The following PKD1L3 variants were observed in gnomAD, a reference collection of about 807,000 sequenced individuals.
PKD1L3 encodes polycystin 1 like 3, transient receptor potential channel interacting.
PKD1L3 carries 239 observed loss-of-function variants against 184.1 expected under a neutral mutation model. The ratio of observed to expected loss-of-function variants is 1.30; its 90% CI spans 1.17 to 1.45. The LOEUF is 1.45. PKD1L3 is among the 40% of genes most tolerant of loss of function. The pLI is 0.00. For synonymous variants in PKD1L3, 996 were observed against 778.8 expected, an observed-to-expected ratio of 1.28 and a Z score of -4.64; for missense variants, 2,660 against 2,067.2, an observed-to-expected ratio of 1.29 and a Z score of -5.56.
rs534493267 is a variant in PKD1L3, at chr16:71,967,199, G to C, written c.2403C>G (p.Thr801=). ...GLDVFLLTTW[T]SLGNLHSLRL... ...GAAGGCTGTGCAGGTTCCCTAGAGAGGTCCAAGTGGTGAGAAGGAAGACAT... is the reference window on the plus strand; with the variant it reads ...GAAGGCTGTGCAGGTTCCCTAGAGACGTCCAAGTGGTGAGAAGGAAGACAT... Residue 801 remains threonine, a synonymous_variant, in exon 15 of 30, where the codon ACC becomes ACG. Transcript: ENST00000620267. 1.8e-4 allele frequency: 274 copies of C among 1,551,720 alleles called. 3 individuals carry two copies. In the South Asian group the frequency reaches 3.1e-3, roughly 17 times the overall value.
rs1213740575 is a variant in PKD1L3, at chr16:71,933,435, A to G, written c.4911T>C (p.Ile1637=). The change falls in exon 28 of 30, where the codon ATT becomes ATC. Residue 1637 remains isoleucine, a synonymous_variant. Coordinates refer to ENST00000620267, the MANE Select transcript of PKD1L3 (RefSeq NM_181536.2). The part of the protein sequence containing the change: ...AVTVVGLLMG[I]SHQEEVFALD... ...TTATTTTTACCTCCTCTTGGTGAGA[A>G]ATTCCCATCAGGAGACCAACAACAG... The G allele has an allele frequency of 6.5e-7, 1 of 1,546,514 alleles. No individual in the cohort carries two copies. Among genetic ancestry groups the G allele is most frequent in the Non-Finnish European group, 8.8e-7 (1 of 1,142,260 alleles).
At chr16:71,976,477 C>G (rs1228074039) in intron 11 of PKD1L3, among the ~76,000 whole-genome samples, 1 of 149,694 alleles carries the variant, frequency 6.7e-6, no homozygotes, top group African/African-American at 2.5e-5. Context: ...GGCTGGTCTC[C>G]AACTCCTGAC....
chr16:71,942,162 T>A (rs1409709544), intron 24 of PKD1L3, among the ~76,000 whole-genome samples: 1 of 151,462 alleles, frequency 6.6e-6, no homozygotes, highest in Non-Finnish European at 1.5e-5. Context: ...TGTAAATACA[T>A]AAATTGTAAA....
chr16:71,979,654 G>T, intron 9 of PKD1L3, 132 bp downstream of exon 9: 2 of 1,108,416 alleles, frequency 1.8e-6, no homozygotes, highest in Non-Finnish European at 2.4e-6. Context: ...AAATAAAAAT[G>T]AATGCTACAT....
intron 13 of PKD1L3, among the ~76,000 whole-genome samples, chr16:71,968,552 T>A (rs1489420436): frequency 6.6e-6 from 1 of 152,150 alleles, no homozygotes; most frequent in African/African-American, 2.4e-5. Flanking sequence ...GTCAAAAGAT[T>A]TTTGTTTTAA....
chr16:71,941,115 G>A (rs1002689568), intron 24 of PKD1L3, among the ~76,000 whole-genome samples: 1 of 152,026 alleles, frequency 6.6e-6, no homozygotes, highest in Non-Finnish European at 1.5e-5. Flanking sequence ...TGGGATTATA[G>A]GCTTGAGACA....
chr16:71,962,656 T>G (rs1355215988), intron 16 of PKD1L3, among the ~76,000 whole-genome samples: 1 of 151,894 alleles, frequency 6.6e-6, no homozygotes, highest in Non-Finnish European at 1.5e-5. Flanking sequence ...CTGGCTAATT[T>G]TTGTATTTTT....
chr16:71,992,273 T>G (rs1004471373), intron 3 of PKD1L3, among the ~76,000 whole-genome samples: 1 of 152,220 alleles, frequency 6.6e-6, no homozygotes, highest in East Asian at 1.9e-4. Flanking sequence ...TTTTTCCCAA[T>G]GAGGAGATTT....
At position 71,942,597 on chromosome 16, in the gene PKD1L3, T is replaced by C; in HGVS notation, c.4287A>G (p.Thr1429=). ...IPTDELHERL[T]SKNENGFSYI... ...AACTGAATCCATTCTCATTCTTGCT[T>C]GTCAGCCTTTCGTGAAGCTCATCAG... The change falls in exon 24 of 30, where the codon ACA becomes ACG. Residue 1429 remains threonine (T), a synonymous_variant. Transcript: ENST00000620267. 3 of 1,551,670 alleles carry C rather than the reference T, an allele frequency of 1.9e-6. No individual in the cohort carries two copies. The highest frequency in any genetic ancestry group is 2.6e-6 in the Non-Finnish European group (3 of 1,146,994).
chr16:71,952,790 G>C (rs1282946673), intron 18 of PKD1L3, 104 bp downstream of exon 18: 3 of 1,235,800 alleles, frequency 2.4e-6, no homozygotes, highest in East Asian at 2.9e-5. Context: ...GTGAGCCGAG[G>C]TTGCACCACT....
intron 21 of PKD1L3, 106 bp downstream of exon 21, chr16:71,949,677 G>T (rs926542927): frequency 2.1e-5 from 22 of 1,067,584 alleles, no homozygotes; most frequent in African/African-American, 3.2e-5. Flanking sequence ...GTTTTTTGTT[G>T]TTTATGTTAC....
rs1430732018 is a variant in PKD1L3, at chr16:71,978,293, T to C, written c.1489A>G (p.Lys497Glu). Residue 497 changes from lysine to glutamate, a missense_variant, in exon 10 of 30, where the codon AAA (lysine) becomes GAA (glutamate). Lys to Glu is a moderately conservative substitution (Grantham distance 56, BLOSUM62 1). Transcript: ENST00000620267. ...IGSVLLSANR[K>E]LLQVHDLMED... ...ATTAAATCATGGACTTGGAGCAATTTACGATTAGCGCTTAGTAACACACTT... is the reference window on the plus strand; with the variant it reads ...ATTAAATCATGGACTTGGAGCAATTCACGATTAGCGCTTAGTAACACACTT... 2.6e-6 allele frequency: 4 copies of C among 1,550,524 alleles called. No individual in the cohort carries two copies. Among genetic ancestry groups the C allele is most frequent in the African/African-American group, 1.4e-5 (1 of 73,014 alleles).
intron 16 of PKD1L3, among the ~76,000 whole-genome samples, chr16:71,958,459 G>A (rs1031362394): frequency 1.5e-4 from 22 of 150,760 alleles, no homozygotes; most frequent in Admixed American, 9.9e-4. Context: ...TCAACAAGGA[G>A]AAAAAAGCCC....
At chr16:71,962,239 G>C (rs926577255) in intron 16 of PKD1L3, among the ~76,000 whole-genome samples, 4 of 151,966 alleles carry the variant, frequency 2.6e-5, no homozygotes, top group Non-Finnish European at 5.9e-5. Context: ...ATGGTGTGTG[G>C]GCCTCTTGCA....
At chr16:71,967,363 T>A (rs2039541279) in intron 14 of PKD1L3, 48 bp from the exon 15 acceptor site, 6 of 1,499,018 alleles carry the variant, frequency 4.0e-6, no homozygotes, top group Non-Finnish European at 5.4e-6. Context: ...TTAACACAAT[T>A]CTTTGGGTTT....
chr16:71,934,396 T>C (rs2038102546), intron 26 of PKD1L3, among the ~76,000 whole-genome samples: 1 of 152,160 alleles, frequency 6.6e-6, no homozygotes, highest in Non-Finnish European at 1.5e-5. Flanking sequence ...CTGATTTCTT[T>C]ATTCCAAATT....
intron 28 of PKD1L3, among the ~76,000 whole-genome samples, chr16:71,932,436 C>G (rs1415011241): frequency 2.6e-5 from 4 of 152,134 alleles, no homozygotes; most frequent in African/African-American, 7.2e-5. Flanking sequence ...AACGCAGTTT[C>G]TCTTAGAACT....
In PKD1L3 at chr16:71,982,126, T is replaced by C; in HGVS notation, c.1076A>G (p.His359Arg). 1.3e-6 allele frequency: 2 copies of C among 1,551,866 alleles called. No individual in the cohort carries two copies. The highest frequency in any genetic ancestry group is 1.7e-6 in the Non-Finnish European group (2 of 1,147,022). ...FKVPPTVCPFHSLNNVTKAGE... is the reference protein window; with the variant it reads ...FKVPPTVCPFRSLNNVTKAGE... ...AGCTTTGGTGACATTGTTGAGGGAATGAAAGGGGCAGACAGTTGGAGGAAC... is the reference window on the plus strand; with the variant it reads ...AGCTTTGGTGACATTGTTGAGGGAACGAAAGGGGCAGACAGTTGGAGGAAC... Residue 359 changes from histidine (H) to arginine (R), a missense_variant, in exon 7 of 30, where the codon CAT becomes CGT. Transcript: ENST00000620267.
rs920525910 is a variant in PKD1L3, at chr16:71,958,506, G to C, written c.2613-4205C>G. ...AAGAAATACAGAAAACTGGCTGGACGTGGTAGCTCATGCCTGTAATCCCAG... is the reference window on the plus strand; with the variant it reads ...AAGAAATACAGAAAACTGGCTGGACCTGGTAGCTCATGCCTGTAATCCCAG... On this transcript the variant is annotated intron_variant, in intron 16 of 29. Transcript: ENST00000620267. Among the ~76,000 whole-genome samples the C allele has an allele frequency of 6.6e-5, 10 of 152,106 alleles. No individual in the cohort carries two copies. The East Asian group carries it at 1.9e-3, about 29-fold the overall frequency.
Sources: gnomAD v4.1 joint callset for allele counts (sites outside exome capture counted in the v4.1 genomes callset) on GRCh38, gnomAD v4.1.1 for gene constraint, MANE v1.5 for transcripts, NCBI Gene and HGNC (gene_info 2026-07-23, HGNC 2026-07-21) for gene names.